Variants in HCK observed in about 807,000 individuals in gnomAD.
HCK encodes tyrosine-protein kinase HCK.
HCK carries 40 observed loss-of-function variants against 70.4 expected under a neutral mutation model. That is an observed-to-expected ratio of 0.57 (90% CI 0.44 to 0.74). The LOEUF is 0.74. Ranked by LOEUF, HCK falls within the 30% of genes least tolerant of loss-of-function variation. The pLI is 0.00. For missense variants in HCK, 568 were observed against 697.2 expected, an observed-to-expected ratio of 0.81 and a Z score of 2.09; for synonymous variants, 245 against 263.2, an observed-to-expected ratio of 0.93 and a Z score of 0.67.
At chr20:32,073,607 G>C (rs2045575681) in intron 3 of HCK, 109 bp from the exon 4 acceptor site, 1 of 725,592 alleles carries the variant, frequency 1.4e-6, no homozygotes, top group Non-Finnish European at 2.4e-6. Context: ...CTTATACTTG[G>C]AACCACATAT....
At chr20:32,071,055 T>C (rs2045530775) in intron 1 of HCK, among the ~76,000 whole-genome samples, 1 of 152,282 alleles carries the variant, frequency 6.6e-6, no homozygotes, top group South Asian at 2.1e-4. Flanking sequence ...CTTGACAAAC[T>C]AGATTGTTTG....
chr20:32,088,707 A>T (rs1428082200), intron 10 of HCK, 63 bp downstream of exon 10: 1 of 1,191,134 alleles, frequency 8.4e-7, no homozygotes, highest in Non-Finnish European at 1.3e-6. Context: ...CTTGCCAAAT[A>T]TTTACTGACC....
At chr20:32,094,761 GA>G (rs776580530) in intron 11 of HCK, among the ~76,000 whole-genome samples, 20 of 117,242 alleles carry the variant, frequency 1.7e-4, no homozygotes, top group African/African-American at 5.6e-4. Context: ...AAGAAAGAAA[GA>G]AGGAAAGAAA....
chr20:32,052,336 C>G lies in HCK; in HGVS notation c.-89C>G. ...TGCAGGACGAGAAACGCCCGCGGCA[C>G]CAAAGCCCCTCAGAGCGTCGCCCCC... On this transcript the variant is annotated 5_prime_UTR_variant, in exon 1 of 13. Coordinates refer to ENST00000375852, the MANE Select transcript of HCK (RefSeq NM_002110.5). 1 of 972,598 alleles carries G rather than the reference C, an allele frequency of 1.0e-6. No individual in the cohort carries two copies. Among genetic ancestry groups the G allele is most frequent in the Non-Finnish European group, 1.4e-6 (1 of 730,724 alleles). 60.2% of individuals were successfully genotyped at this position (972,598 alleles called of 1,614,324 possible).
At chr20:32,079,294 G>C (rs1202355726) in intron 5 of HCK, among the ~76,000 whole-genome samples, 1 of 152,114 alleles carries the variant, frequency 6.6e-6, no homozygotes, top group Non-Finnish European at 1.5e-5. Context: ...CAAAACTCAG[G>C]CCCTTCACAG....
intron 1 of HCK, chr20:32,054,225 C>T: frequency 2.2e-6 from 1 of 456,498 alleles, no homozygotes; most frequent in South Asian, 1.5e-5. Flanking sequence ...GGGGCAACCG[C>T]TGTCATGAGT....
intron 1 of HCK, among the ~76,000 whole-genome samples, chr20:32,060,527 G>A (rs2045354018): frequency 6.6e-6 from 1 of 152,186 alleles, no homozygotes; most frequent in Non-Finnish European, 1.5e-5. Flanking sequence ...GCAGGCATGA[G>A]CCATTGCACC....
rs1226197120 is a variant in HCK, at chr20:32,090,001, A to G, written c.1092+1357A>G. ...TGGGCCTCAGCTGGGCCTGCTGGAG[A>G]TGCCAAGGGCAGGGCTCATTTGAGT... On this transcript the variant is annotated intron_variant, in intron 10 of 12. Transcript: ENST00000375852. Among the ~76,000 whole-genome samples the G allele has an allele frequency of 4.6e-5, 7 of 152,304 alleles. No individual in the cohort carries two copies. In the East Asian group the frequency reaches 1.4e-3, roughly 29 times the overall value.
chr20:32,081,681 T>A (rs1166468134), intron 6 of HCK, among the ~76,000 whole-genome samples: 1 of 152,116 alleles, frequency 6.6e-6, no homozygotes, highest in African/African-American at 2.4e-5. Context: ...TGCCTGGGCT[T>A]TGTCTCTTCC....
chr20:32,088,458 A>G (rs955698565), intron 9 of HCK, 110 bp from the exon 10 acceptor site: 3 of 684,620 alleles, frequency 4.4e-6, no homozygotes, highest in African/African-American at 3.7e-5. Context: ...ATCTACTACT[A>G]TGAAAAATCT....
chr20:32,056,843 G>A (rs770828626), intron 1 of HCK, among the ~76,000 whole-genome samples: 4 of 152,088 alleles, frequency 2.6e-5, no homozygotes, highest in Non-Finnish European at 5.9e-5. Context: ...GCACAAACAT[G>A]TTTGTCCTAT....
At chr20:32,089,496 A>G (rs1462458529) in intron 10 of HCK, among the ~76,000 whole-genome samples, 1 of 152,248 alleles carries the variant, frequency 6.6e-6, no homozygotes, top group Non-Finnish European at 1.5e-5. Flanking sequence ...TGGGAAGATG[A>G]GTATTAAATA....
chr20:32,090,867 T>G (rs974341916), intron 10 of HCK, among the ~76,000 whole-genome samples: 1 of 152,162 alleles, frequency 6.6e-6, no homozygotes. Flanking sequence ...CTGTGTAGCC[T>G]CAAGCAAGTT....
At chr20:32,059,383 T>C (rs2045330378) in intron 1 of HCK, among the ~76,000 whole-genome samples, 1 of 149,120 alleles carries the variant, frequency 6.7e-6, no homozygotes, top group East Asian at 2.0e-4. Flanking sequence ...TCCTCCACTT[T>C]CTTCTTCTCT....
chr20:32,076,521 CATT>C (rs1207283974), intron 5 of HCK, among the ~76,000 whole-genome samples: 1 of 152,124 alleles, frequency 6.6e-6, no homozygotes, highest in Non-Finnish European at 1.5e-5. Flanking sequence ...GCGTGGCTGG[CATT>C]ATTTCTCAAA....
At chr20:32,054,317 C>T (rs778188795) in intron 1 of HCK, 2 of 455,610 alleles carry the variant, frequency 4.4e-6, no homozygotes, top group East Asian at 1.4e-4. Flanking sequence ...GTTTTGTGTG[C>T]TTTAAAAATG....
Position 32,074,737 on chromosome 20 carries a change from C to T in HCK, c.428+16C>T. On this transcript the variant is annotated intron_variant, in intron 5 of 12. Coordinates refer to ENST00000375852, the MANE Select transcript of HCK (RefSeq NM_002110.5). ...AGACAGAGGAGTAAGTATCCTATTT[C>T]CTACCTTCCAGAAAGAGGCATGAGC... 6.3e-7 allele frequency: 1 copy of T among 1,587,052 alleles called. No homozygotes were observed.
At chr20:32,070,665 A>G (rs1915491028) in intron 1 of HCK, among the ~76,000 whole-genome samples, 1 of 151,956 alleles carries the variant, frequency 6.6e-6, no homozygotes, top group Admixed American at 6.6e-5. Flanking sequence ...CACACTTTTC[A>G]TTAACTCAAT....
At chr20:32,079,927 G>A (rs2045686163) in intron 6 of HCK, 50 bp downstream of exon 6, 1 of 1,340,970 alleles carries the variant, frequency 7.5e-7, no homozygotes, top group Non-Finnish European at 1.1e-6. Flanking sequence ...TGCCCCAGCT[G>A]GGGCTGGCCA....
Sources: gnomAD v4.1 joint callset for allele counts (sites outside exome capture counted in the v4.1 genomes callset) on GRCh38, gnomAD v4.1.1 for gene constraint, MANE v1.5 for transcripts, NCBI Gene and HGNC (gene_info 2026-07-23, HGNC 2026-07-21) for gene names.